Variants in RBFOX3 observed in about 807,000 individuals in gnomAD.
The protein encoded by RBFOX3 is RNA binding protein fox-1 homolog 3.
In RBFOX3, 17 loss-of-function variants were observed where a neutral mutation model predicts 48.7. That is an observed-to-expected ratio of 0.35 (90% CI 0.24 to 0.52). RBFOX3 has a LOEUF of 0.52. Among genes scored for constraint, RBFOX3 ranks in the 20% least tolerant of loss-of-function variants. The probability of loss-of-function intolerance (pLI) is 0.94; values close to 1 mark genes in which losing one functional copy is unlikely to be tolerated. For synonymous variants in RBFOX3, 212 were observed against 209.5 expected (o/e 1.01, Z -0.10); for missense variants, 382 against 497.5 (o/e 0.77, Z 2.21).
At chr17:79,551,691 G>A (rs2091174574) in intron 1 of RBFOX3, among the ~76,000 whole-genome samples, 1 of 152,120 alleles carries the variant, frequency 6.6e-6, no homozygotes. Context: ...TTCTTGCTCT[G>A]TGAGTTCACA....
intron 1 of RBFOX3, among the ~76,000 whole-genome samples, chr17:79,595,195 A>G (rs1238149486): frequency 6.6e-6 from 1 of 151,854 alleles, no homozygotes; most frequent in African/African-American, 2.4e-5. Context: ...GGCTGACCAT[A>G]ATGGGGCCAC....
intron 2 of RBFOX3, among the ~76,000 whole-genome samples, chr17:79,469,355 G>T (rs372907318): frequency 1.3e-5 from 2 of 152,292 alleles, no homozygotes; most frequent in African/African-American, 4.8e-5. Context: ...CCCCTTGGCC[G>T]CCCATGCAGT....
At chr17:79,384,884 T>C (rs1167066958) in intron 2 of RBFOX3, among the ~76,000 whole-genome samples, 1 of 152,196 alleles carries the variant, frequency 6.6e-6, no homozygotes, top group Non-Finnish European at 1.5e-5. Context: ...GATGTTTCAG[T>C]GGGGAGGGAG....
intron 2 of RBFOX3, among the ~76,000 whole-genome samples, chr17:79,451,351 C>T (rs1037261823): frequency 1.3e-5 from 2 of 152,180 alleles, no homozygotes; most frequent in Non-Finnish European, 1.5e-5. Flanking sequence ...CAGGCAAAGA[C>T]GTGCCGGGAA....
At chr17:79,153,069 C>T (rs1263747419) in intron 4 of RBFOX3, among the ~76,000 whole-genome samples, 1 of 152,246 alleles carries the variant, frequency 6.6e-6, no homozygotes, top group Admixed American at 6.5e-5. Flanking sequence ...CCTATTTCCT[C>T]TGTCCCCGTC....
chr17:79,477,026 A>T lies in RBFOX3; in HGVS notation c.-175+5428T>A, dbSNP rs1406180575. Among the ~76,000 whole-genome samples, 6 of 151,966 alleles carry T rather than the reference A, an allele frequency of 3.9e-5. No individual in the cohort carries two copies. Among genetic ancestry groups the T allele is most frequent in the African/African-American group, 1.5e-4 (6 of 41,356 alleles). On this transcript the variant is annotated intron_variant, in intron 2 of 14. Coordinates refer to ENST00000693108, the MANE Select transcript of RBFOX3 (RefSeq NM_001350451.2). The surrounding 1 kb of genome is among the most constrained non-coding windows in gnomAD (Gnocchi z 4.8). ...GGTGGGTGGATCACTTGAGGTCAGG[A>T]GTTCGAGACCAGCCTGGCCAACAGG...
At chr17:79,465,590 A>AC (rs1230284447) in intron 2 of RBFOX3, among the ~76,000 whole-genome samples, 4 of 152,136 alleles carry the variant, frequency 2.6e-5, no homozygotes, top group Non-Finnish European at 5.9e-5. Context: ...AAAAAAAAAA[A>AC]AATACATCTA....
At chr17:79,567,675 A>G (rs2092518886) in intron 1 of RBFOX3, among the ~76,000 whole-genome samples, 1 of 152,230 alleles carries the variant, frequency 6.6e-6, no homozygotes. Flanking sequence ...GAATAAGTAA[A>G]TAAATAAACT....
At chr17:79,264,072 G>A (rs1030888407) in intron 3 of RBFOX3, among the ~76,000 whole-genome samples, 4 of 151,574 alleles carry the variant, frequency 2.6e-5, no homozygotes, top group Admixed American at 6.6e-5. Flanking sequence ...GAGCTTTGGC[G>A]GGAGCGCAGC....
rs2078486611 is a variant in RBFOX3 at position 79,479,636 on chromosome 17, A to C, written c.-175+2818T>G. 1.3e-5 allele frequency among the ~76,000 whole-genome samples: 2 copies of C among 152,226 alleles called. No individual in the cohort carries two copies. On this transcript the variant is annotated intron_variant, in intron 2 of 14. Transcript: ENST00000693108. This position sits in a 1 kb window ranked among gnomAD's most constrained non-coding sequence, Gnocchi z 5.1. ...AAAGAGCTTGTGGGGTGACCCCACC[A>C]ACCCTGGACTTCCCAGACGCTCCCT...
Position 79,209,252 on chromosome 17 carries a change from A to G in RBFOX3, c.-34+26514T>C, listed in dbSNP as rs59463050. 2.4e-3 allele frequency among the ~76,000 whole-genome samples: 369 copies of G among 152,322 alleles called. 1 individual carries two copies. Among genetic ancestry groups the G allele is most frequent in the African/African-American group, 8.5e-3 (354 of 41,560 alleles). ...TGTGATGTGCCCCCATCCCAGGAGC[A>G]GGCCAGTGCCTCCTTCTGGGTGCCC... On this transcript the variant is annotated intron_variant, in intron 4 of 14. Coordinates refer to ENST00000693108, the MANE Select transcript of RBFOX3 (RefSeq NM_001350451.2).
intron 3 of RBFOX3, among the ~76,000 whole-genome samples, chr17:79,268,292 C>T (rs2067074239): frequency 6.6e-6 from 1 of 152,126 alleles, no homozygotes; most frequent in African/African-American, 2.4e-5. Context: ...CCCAGCCCAC[C>T]TTGCCTCACC....
At chr17:79,359,120 GAAGT>G (rs888258869) in intron 2 of RBFOX3, among the ~76,000 whole-genome samples, 8 of 152,206 alleles carry the variant, frequency 5.3e-5, no homozygotes, top group African/African-American at 1.9e-4. Context: ...TATGAGTGAG[GAAGT>G]AAGATTCAAA....
chr17:79,164,799 G>A (rs538766861), intron 4 of RBFOX3, among the ~76,000 whole-genome samples: 3 of 152,286 alleles, frequency 2.0e-5, no homozygotes, highest in South Asian at 2.1e-4. Context: ...CCTGGGCAGC[G>A]GGCTGGGAGG....
chr17:79,575,914 C>A (rs1259690507), intron 1 of RBFOX3, among the ~76,000 whole-genome samples: 1 of 152,198 alleles, frequency 6.6e-6, no homozygotes, highest in Non-Finnish European at 1.5e-5. Flanking sequence ...AACTTCCAAG[C>A]AAAAGTCGCC....
intron 2 of RBFOX3, among the ~76,000 whole-genome samples, chr17:79,371,615 G>A (rs1306126485): frequency 6.6e-6 from 1 of 152,150 alleles, no homozygotes; most frequent in Admixed American, 6.5e-5. Context: ...GGGGCCACTC[G>A]ATGAGGAAGG....
chr17:79,528,507 T>C (rs2087157037), intron 1 of RBFOX3, among the ~76,000 whole-genome samples: 1 of 152,134 alleles, frequency 6.6e-6, no homozygotes, highest in Non-Finnish European at 1.5e-5. Context: ...CTGAGGGGGA[T>C]CTTAATTGAA....
intron 3 of RBFOX3, among the ~76,000 whole-genome samples, chr17:79,288,550 G>A (rs768636913): frequency 5.3e-5 from 8 of 151,496 alleles, no homozygotes; most frequent in African/African-American, 1.5e-4. Context: ...ACTGCAAAAC[G>A]TGATGGGCAG....
intron 2 of RBFOX3, among the ~76,000 whole-genome samples, chr17:79,426,635 C>A (rs907003963): frequency 1.3e-5 from 2 of 152,166 alleles, no homozygotes; most frequent in African/African-American, 4.8e-5. Context: ...CCACACCCCA[C>A]CTCATTTCCA....
Sources: allele counts gnomAD v4.1 joint callset (sites outside exome capture counted in the v4.1 genomes callset), GRCh38; gene constraint gnomAD v4.1.1; non-coding constraint Gnocchi (gnomAD v3.1); transcripts MANE v1.5; gene names NCBI Gene and HGNC (gene_info 2026-07-23, HGNC 2026-07-21).